FHIT: variants seen among roughly 807,000 people sequenced by gnomAD.
FHIT encodes the protein fragile histidine triad diadenosine triphosphatase, also known as bis(5'-adenosyl)-triphosphatase.
FHIT carries 19 observed loss-of-function variants against 17.9 expected under a neutral mutation model. The observed-to-expected ratio is 1.06, with a 90% CI of 0.74 to 1.56. The LOEUF (loss-of-function observed/expected upper bound fraction) is 1.56. FHIT is among the 40% of genes most tolerant of loss of function. FHIT has a pLI of 0.00. For synonymous variants in FHIT, 81 were observed against 69.7 expected, an observed-to-expected ratio of 1.16 and a Z score of -0.81; for missense variants, 248 against 189.2, an observed-to-expected ratio of 1.31 and a Z score of -1.82.
chr3:60,282,052 G>A (rs1300904376), intron 5 of FHIT, among the ~76,000 whole-genome samples: 2 of 152,094 alleles, frequency 1.3e-5, no homozygotes, highest in Non-Finnish European at 2.9e-5. Context: ...ATGCATTGTT[G>A]GTGGAAATAA....
At chr3:60,585,372 G>C (rs557194429) in intron 4 of FHIT, among the ~76,000 whole-genome samples, 30 of 152,116 alleles carry the variant, frequency 2.0e-4, no homozygotes, top group African/African-American at 7.0e-4. Context: ...TTTTGTTAGA[G>C]TTTACTGAAA....
chr3:61,245,025 T>C (rs2040457135), intron 1 of FHIT, among the ~76,000 whole-genome samples: 1 of 152,152 alleles, frequency 6.6e-6, no homozygotes, highest in Non-Finnish European at 1.5e-5. Context: ...CGCCAACTTT[T>C]ACAGAGGATT....
chr3:60,843,587 A>C (rs1199109948), intron 3 of FHIT, among the ~76,000 whole-genome samples: 1 of 152,192 alleles, frequency 6.6e-6, no homozygotes, highest in Non-Finnish European at 1.5e-5. Flanking sequence ...TTTGCTCCCA[A>C]AGTGAAATTT....
chr3:61,234,613 A>G (rs1458983645), intron 1 of FHIT, among the ~76,000 whole-genome samples: 1 of 152,244 alleles, frequency 6.6e-6, no homozygotes, highest in Non-Finnish European at 1.5e-5. Context: ...TAGTGCTATC[A>G]TGAATGGGTG....
intron 4 of FHIT, among the ~76,000 whole-genome samples, chr3:60,777,861 A>C (rs1328559103): frequency 6.6e-6 from 1 of 152,212 alleles, no homozygotes; most frequent in Non-Finnish European, 1.5e-5. Flanking sequence ...TATTAAAAAA[A>C]AATCAGAGCT....
chr3:60,094,321 C>T (rs1703850862), intron 5 of FHIT, among the ~76,000 whole-genome samples: 1 of 152,040 alleles, frequency 6.6e-6, no homozygotes, highest in East Asian at 1.9e-4. Context: ...ATCTGCCTTC[C>T]ACTGAATATA....
At position 60,663,153 on chromosome 3, in the gene FHIT, G is replaced by GTGATATATATATATATATAT. The variant is rs57146494; in HGVS notation, c.-17-126175_-17-126174insATATATATATATATATATCA. Among the ~76,000 whole-genome samples the GTGATATATATATATATATAT allele has an allele frequency of 8.8e-3, 687 of 77,988 alleles. 144 individuals are homozygous for GTGATATATATATATATATAT. The highest frequency in any genetic ancestry group is 0.01 in the Non-Finnish European group (412 of 40,424). The allele number at this position is 77,988 out of a possible 152,430, so 51.2% of individuals were successfully genotyped here. A position where few individuals can be genotyped will look rare whatever the true frequency, so the allele number is the denominator to read the frequency against. On this transcript the variant is annotated intron_variant, in intron 4 of 9. Coordinates refer to ENST00000492590, the MANE Select transcript of FHIT (RefSeq NM_002012.4). The stretch of plus-strand genomic sequence containing the variant: ...CTATATAGCCCTAATATTGGGTGGA[G>GTGATATATATATATATATAT]ATATATATCTCTTTAATGTTGGGTT...
chr3:60,044,442 C>T (rs11718994), intron 5 of FHIT, among the ~76,000 whole-genome samples: 1 of 151,934 alleles, frequency 6.6e-6, no homozygotes, highest in African/African-American at 2.4e-5. Context: ...CCAGGGTAAG[C>T]CTTCCTCACA....
intron 4 of FHIT, among the ~76,000 whole-genome samples, chr3:60,697,405 G>A (rs1553700888): frequency 6.6e-6 from 1 of 152,082 alleles, no homozygotes; most frequent in African/African-American, 2.4e-5. Context: ...GTTCATACAT[G>A]TCATATGCAC....
chr3:60,130,945 ATATG>A (rs1167750969), intron 5 of FHIT, among the ~76,000 whole-genome samples: 1 of 147,912 alleles, frequency 6.8e-6, no homozygotes, highest in African/African-American at 2.5e-5. Flanking sequence ...ATATATATAC[ATATG>A]TGACAATAAA....
intron 3 of FHIT, among the ~76,000 whole-genome samples, chr3:60,988,946 TAAAAAAAA>T (rs535898632): frequency 0.014 from 488 of 34,272 alleles, 1 homozygote; most frequent in Non-Finnish European, 0.018. Flanking sequence ...ATGGCTTTGT[TAAAAAAAA>T]AAAAAAAAAA....
chr3:60,222,266 T>TCC (rs1703999118), intron 5 of FHIT, among the ~76,000 whole-genome samples: 1 of 152,172 alleles, frequency 6.6e-6, no homozygotes, highest in South Asian at 2.1e-4. Context: ...CAAGTCCTAG[T>TCC]CCCTCTTACT....
At chr3:59,983,954 A>AGG (rs3836266) in intron 7 of FHIT, among the ~76,000 whole-genome samples, 80,307 of 151,776 alleles carry the variant, frequency 0.53, 22,702 homozygotes, top group South Asian at 0.7. Context: ...CTGAAGTGAT[A>AGG]GGGCAAAGAA....
At chr3:59,912,167 A>C (rs1463575863) in intron 8 of FHIT, among the ~76,000 whole-genome samples, 1 of 152,210 alleles carries the variant, frequency 6.6e-6, no homozygotes, top group Non-Finnish European at 1.5e-5. Context: ...TGCTAATGTC[A>C]TTATCATATC....
intron 6 of FHIT, among the ~76,000 whole-genome samples, chr3:60,012,862 ATT>A (rs1243879557): frequency 6.6e-6 from 1 of 152,202 alleles, no homozygotes; most frequent in Non-Finnish European, 1.5e-5. Context: ...AGCAATGGCC[ATT>A]TCCTATAAAT....
intron 8 of FHIT, among the ~76,000 whole-genome samples, chr3:59,868,073 A>G (rs1397350858): frequency 7.3e-6 from 1 of 137,014 alleles, no homozygotes; most frequent in Non-Finnish European, 1.6e-5. Flanking sequence ...AAAACCTTTC[A>G]TTGTGTTTTG....
chr3:59,818,679 G>A (rs991336865), intron 8 of FHIT, among the ~76,000 whole-genome samples: 3 of 152,164 alleles, frequency 2.0e-5, no homozygotes, highest in African/African-American at 7.2e-5. Context: ...ATGTAACTGG[G>A]ATTCATTTTT....
chr3:61,129,036 C>G (rs569063947), intron 2 of FHIT, among the ~76,000 whole-genome samples: 1 of 152,152 alleles, frequency 6.6e-6, no homozygotes, highest in African/African-American at 2.4e-5. Flanking sequence ...GTATATGTCA[C>G]GCCATACAAG....
At chr3:60,578,986 C>A (rs2037665693) in intron 4 of FHIT, among the ~76,000 whole-genome samples, 1 of 152,158 alleles carries the variant, frequency 6.6e-6, no homozygotes, top group African/African-American at 2.4e-5. Context: ...ACAATCTGAT[C>A]TTCAATGTTA....
Sources: allele counts gnomAD v4.1 joint callset (sites outside exome capture counted in the v4.1 genomes callset), GRCh38; gene constraint gnomAD v4.1.1; transcripts MANE v1.5; gene names NCBI Gene and HGNC (gene_info 2026-07-23, HGNC 2026-07-21).